Variants in PKLR observed in about 807,000 individuals in gnomAD.
PKLR encodes the protein pyruvate kinase L/R.
In PKLR, 38 loss-of-function variants were observed where a neutral mutation model predicts 53.6. That is an observed-to-expected ratio of 0.71 (90% CI 0.55 to 0.93). PKLR has a LOEUF of 0.93. Ranked by LOEUF, PKLR falls within the 40% of genes least tolerant of loss-of-function variation. PKLR has a pLI of 0.00. For missense variants in PKLR, 702 were observed against 787.3 expected, an observed-to-expected ratio of 0.89 and a Z score of 1.30; for synonymous variants, 328 against 316.2, an observed-to-expected ratio of 1.04 and a Z score of -0.39.
In PKLR at chr1:155,295,290, C is replaced by G; in HGVS notation, c.520G>C (p.Glu174Gln). Residue 174 changes from glutamate (E) to glutamine (Q), a missense_variant, in exon 5 of 11, where the codon GAA becomes CAA. By Grantham distance (29) the Glu-to-Gln change is conservative. Around this residue, in one of 2 missense-constraint regions of PKLR, gnomAD observed 519 missense variants for 537.1 expected, o/e 0.97. Coordinates refer to ENST00000342741, the MANE Select transcript of PKLR (RefSeq NM_000298.6). This position sits in a 1 kb window ranked among gnomAD's most constrained non-coding sequence, Gnocchi z 4.3. ...TGGGAGCCCTTCACCAGCTCCACTT[C>G]CGACTCTGGACCCTAAGGAGGGAGC... ...TGILQGGPES[E>Q]VELVKGSQVL... 6.2e-7 allele frequency: 1 copy of G among 1,614,042 alleles called. No individual in the cohort carries two copies. The highest frequency in any genetic ancestry group is 1.1e-5 in the South Asian group (1 of 91,090).
Position 155,291,444 on chromosome 1 carries a change from C to A in PKLR, c.1618+312G>T, listed in dbSNP as rs8177990. On this transcript the variant is annotated intron_variant, in intron 10 of 10. Coordinates refer to ENST00000342741, the MANE Select transcript of PKLR (RefSeq NM_000298.6). ...CCAGGAGGCAGAGATTGCAGTGAGC[C>A]GAGATCGTACCCCTGCACTCCAGCC... Among the ~76,000 whole-genome samples, 621 of 151,514 alleles carry A rather than the reference C, an allele frequency of 4.1e-3. 7 individuals carry two copies. The highest frequency in any genetic ancestry group is 0.015 in the African/African-American group (600 of 41,218).
In PKLR at chr1:155,290,679, C is replaced by T. The variant is rs755733510; in HGVS notation, c.1619-1G>A. On this transcript the variant is annotated splice_acceptor_variant, in intron 10 of 10. Coordinates refer to ENST00000342741, the MANE Select transcript of PKLR (RefSeq NM_000298.6). LOFTEE classifies it high-confidence loss of function. Reference sequence around the variant, plus strand: ...ACACGGAGGAAGCCACGGAGCTTTCCTGGGGGAGGGAAAGAAAACAAATCA... The same window carrying T: ...ACACGGAGGAAGCCACGGAGCTTTCTTGGGGGAGGGAAAGAAAACAAATCA... 1 of 1,592,994 alleles carries T rather than the reference C, an allele frequency of 6.3e-7. No homozygotes were observed. Among genetic ancestry groups the T allele is most frequent in the South Asian group, 1.1e-5 (1 of 90,624 alleles).
Position 155,290,194 on chromosome 1 carries a change from C to G in PKLR, c.*378G>C. 1 of 293,110 alleles carries G rather than the reference C, an allele frequency of 3.4e-6. No individual in the cohort carries two copies. The highest frequency in any genetic ancestry group is 7.9e-5 in the East Asian group (1 of 12,604). The allele number at this position is 293,110 out of a possible 1,614,324, so 18.2% of individuals were successfully genotyped here. On this transcript the variant is annotated 3_prime_UTR_variant, in exon 11 of 11. Coordinates refer to ENST00000342741, the MANE Select transcript of PKLR (RefSeq NM_000298.6). ...GACTGTGGACAAGATTGCCCTGTCT[C>G]CCCTCTCCCCCACCCCAAGGGATGG...
At chr1:155,307,344 C>T in the PKLR span, among the ~76,000 whole-genome samples, 5 of 152,212 alleles carry the variant, frequency 3.3e-5, no homozygotes, top group Non-Finnish European at 7.3e-5. Context: ...GCATAATTGT[C>T]AGAGGTGCGT....
intron 10 of PKLR, among the ~76,000 whole-genome samples, chr1:155,291,040 T>A (rs61812066): frequency 1.7e-5 from 2 of 119,922 alleles, no homozygotes; most frequent in African/African-American, 6.1e-5. Flanking sequence ...ATAATAATAA[T>A]AAAAGAAGAA....
chr1:155,306,036 G>T (rs1648225090), upstream of PKLR, among the ~76,000 whole-genome samples: 1 of 152,080 alleles, frequency 6.6e-6, no homozygotes, highest in Admixed American at 6.6e-5. The surrounding 1 kb of genome is among the most constrained non-coding windows in gnomAD (Gnocchi z 4.2). Context: ...GGAGGTGGGG[G>T]GCAGTTCTCC....
At position 155,295,391 on chromosome 1, in the gene PKLR, C is replaced by G; in HGVS notation, c.507+46G>C. On this transcript the variant is annotated intron_variant, in intron 4 of 10. Transcript: ENST00000342741. This position sits in a 1 kb window ranked among gnomAD's most constrained non-coding sequence, Gnocchi z 4.3. The stretch of plus-strand genomic sequence containing the variant: ...ACGCCTGGGCCCAACCCTACAGGCG[C>G]CGCCTTTCCGGCCCTGGCCCAGCGA... The G allele has an allele frequency of 6.2e-7, 1 of 1,612,656 alleles. No homozygotes were observed.
Position 155,295,309 on chromosome 1 carries a change from A to C in PKLR, c.508-7T>G. 2 of 1,613,760 alleles carry C rather than the reference A, an allele frequency of 1.2e-6. No homozygotes were observed. Among genetic ancestry groups the C allele is most frequent in the African/African-American group, 2.7e-5 (2 of 75,036 alleles). On this transcript the variant is annotated splice_polypyrimidine_tract_variant and splice_region_variant and intron_variant, in intron 4 of 10. Transcript: ENST00000342741. The surrounding 1 kb of genome is among the most constrained non-coding windows in gnomAD (Gnocchi z 4.3). ...CCACTTCCGACTCTGGACCCTAAGGAGGGAGCCAGAGGAGATGTGAGTTCT... is the reference window on the plus strand; with the variant it reads ...CCACTTCCGACTCTGGACCCTAAGGCGGGAGCCAGAGGAGATGTGAGTTCT...
Position 155,295,577 on chromosome 1 carries a change from G to C in PKLR, c.376-9C>G, listed in dbSNP as rs775301408. 6.2e-7 allele frequency: 1 copy of C among 1,614,084 alleles called. No homozygotes were observed. Among genetic ancestry groups the C allele is most frequent in the South Asian group, 1.1e-5 (1 of 91,076 alleles). ...ATGGACTCAGCATGGTACTGGGGGA[G>C]GGAGCGGAGCGAGGGTTTCAGGGGA... On this transcript the variant is annotated splice_polypyrimidine_tract_variant and intron_variant, in intron 3 of 10. Transcript: ENST00000342741. This position sits in a 1 kb window ranked among gnomAD's most constrained non-coding sequence, Gnocchi z 4.3.
At position 155,301,260 on chromosome 1, in the gene PKLR, C is replaced by T. The variant is rs751450470; in HGVS notation, c.100+36G>A. On this transcript the variant is annotated intron_variant, in intron 1 of 10. Coordinates refer to ENST00000342741, the MANE Select transcript of PKLR (RefSeq NM_000298.6). ...GCTCCTAGTTTTCACCCTCATTTTC[C>T]TCCTATGTTCCATGGCTTCTGTCTC... 3.1e-6 allele frequency: 5 copies of T among 1,611,720 alleles called. No individual in the cohort carries two copies. In the South Asian group the frequency reaches 3.3e-5, roughly 11 times the overall value.
the PKLR span, among the ~76,000 whole-genome samples, chr1:155,308,055 CTTTT>C: frequency 1.6e-5 from 2 of 123,790 alleles, no homozygotes; most frequent in African/African-American, 3.1e-5. Context: ...TGAGACTCAT[CTTTT>C]TTTTTTTTTT....
rs368784290 is a variant in PKLR at position 155,293,498 on chromosome 1, C to T, written c.1209G>A (p.Met403Ile). ...NAVLDGADCI[M>I]LSGETAKGNF... ...TGCCCTTGGCAGTCTCCCCTGACAGCATGATGCAGTCAGCCCCATCCAGCA... is the reference window on the plus strand; with the variant it reads ...TGCCCTTGGCAGTCTCCCCTGACAGTATGATGCAGTCAGCCCCATCCAGCA... Residue 403 changes from methionine to isoleucine, a missense_variant, in exon 8 of 11, where the codon ATG (methionine) becomes ATA (isoleucine). By Grantham distance (10) the Met-to-Ile change is conservative. Around this residue, in one of 2 missense-constraint regions of PKLR, gnomAD observed 183 missense variants for 250.2 expected, o/e 0.73. Coordinates refer to ENST00000342741, the MANE Select transcript of PKLR (RefSeq NM_000298.6). The surrounding 1 kb of genome is among the most constrained non-coding windows in gnomAD (Gnocchi z 4.2). 1 of 1,614,134 alleles carries T rather than the reference C, an allele frequency of 6.2e-7. No homozygotes were observed. The highest frequency in any genetic ancestry group is 1.3e-5 in the African/African-American group (1 of 74,940).
At chr1:155,306,537 C>T in the PKLR span, among the ~76,000 whole-genome samples, 1 of 152,164 alleles carries the variant, frequency 6.6e-6, no homozygotes, top group Non-Finnish European at 1.5e-5. This position sits in a 1 kb window ranked among gnomAD's most constrained non-coding sequence, Gnocchi z 4.2. Context: ...AGAGACAGAG[C>T]ATTGTGAGTG....
At chr1:155,299,022 CTT>C (rs1557963314) in intron 2 of PKLR, among the ~76,000 whole-genome samples, 15 of 97,028 alleles carry the variant, frequency 1.5e-4, no homozygotes, top group Admixed American at 6.0e-4. Context: ...TTCTTTCTTT[CTT>C]TCTTTCTTTC....
chr1:155,298,675 C>T (rs1266657619), intron 2 of PKLR, among the ~76,000 whole-genome samples: 8 of 150,956 alleles, frequency 5.3e-5, no homozygotes, highest in African/African-American at 2.0e-4. Context: ...GAGTTTCGCT[C>T]TTGTTGCCCA....
intron 9 of PKLR, 125 bp from the exon 10 acceptor site, chr1:155,292,062 C>T (rs1647245550): frequency 1.1e-6 from 1 of 887,976 alleles, no homozygotes; most frequent in Non-Finnish European, 1.8e-6. Context: ...CATCATACTT[C>T]TCTGGGCCTT....
intron 2 of PKLR, among the ~76,000 whole-genome samples, chr1:155,298,643 A>AAAAAC (rs1557962668): frequency 3.5e-5 from 5 of 144,332 alleles, no homozygotes; most frequent in African/African-American, 1.3e-4. Flanking sequence ...TCTTTTTTTA[A>AAAAAC]AAACAAACAA....
Position 155,295,426 on chromosome 1 carries a change from C to A in PKLR, c.507+11G>T, listed in dbSNP as rs1327967077. 1.2e-6 allele frequency: 2 copies of A among 1,610,790 alleles called. No individual in the cohort carries two copies. The highest frequency in any genetic ancestry group is 1.7e-5 in the Admixed American group (1 of 59,370). On this transcript the variant is annotated intron_variant, in intron 4 of 10. Transcript: ENST00000342741. This position sits in a 1 kb window ranked among gnomAD's most constrained non-coding sequence, Gnocchi z 4.3. ...GGCCCTGGCCCAGCGAGTCCCAGCC[C>A]CACTGCTCACCCCCTGCAGGATCCC...
intron 2 of PKLR, among the ~76,000 whole-genome samples, chr1:155,298,953 C>G (rs1004374466): frequency 9.6e-6 from 1 of 103,804 alleles, no homozygotes; most frequent in South Asian, 3.5e-4. Flanking sequence ...AACTTTCACT[C>G]CTTTCTTTCT....
Sources: allele counts gnomAD v4.1 joint callset (sites outside exome capture counted in the v4.1 genomes callset), GRCh38; gene constraint gnomAD v4.1.1; regional missense constraint gnomAD v4.1.1; non-coding constraint Gnocchi (gnomAD v3.1); transcripts MANE v1.5; gene names NCBI Gene and HGNC (gene_info 2026-07-23, HGNC 2026-07-21).